NXPE1: variants seen among roughly 807,000 people sequenced by gnomAD.
The protein encoded by NXPE1 is NXPE family member 1.
NXPE1 carries 31 observed loss-of-function variants against 33.3 expected under a neutral mutation model. The ratio of observed to expected loss-of-function variants is 0.93; its 90% confidence interval spans 0.70 to 1.26. NXPE1 has a LOEUF of 1.26. Among genes scored for constraint, NXPE1 ranks in the 50% most tolerant of loss-of-function variants. NXPE1 has a pLI of 0.00. For missense variants in NXPE1, 661 were observed against 655.6 expected, an observed-to-expected ratio of 1.01 and a Z score of -0.09; for synonymous variants, 229 against 231.4, an observed-to-expected ratio of 0.99 and a Z score of 0.09.
chr11:114,533,064 A>G (rs1296476524), intron 5 of NXPE1, among the ~76,000 whole-genome samples: 1 of 152,236 alleles, frequency 6.6e-6, no homozygotes, highest in South Asian at 2.1e-4. Context: ...AATGTTCAAC[A>G]TAACGTTAGA....
At chr11:114,521,959 A>G in exon 9 of NXPE1, 1 of 1,593,232 alleles carries the variant, frequency 6.3e-7, no homozygotes, top group Non-Finnish European at 8.6e-7. Context: ...TTTGTATAGT[A>G]TTTATCCCTT....
chr11:114,538,500 A>G lies in NXPE1; in HGVS notation c.100-7592T>C, dbSNP rs1591282728. On this transcript the variant is annotated intron_variant, in intron 5 of 8. Coordinates refer to ENST00000534921, the Ensembl canonical transcript of NXPE1. Reference sequence around the variant, plus strand: ...CATCAGAGTGAACAGGCAACCTACAAAATGGGAGAAAATTTTTGCAACCTA... The same window carrying G: ...CATCAGAGTGAACAGGCAACCTACAGAATGGGAGAAAATTTTTGCAACCTA... Among the ~76,000 whole-genome samples, 19 of 152,156 alleles carry G rather than the reference A, an allele frequency of 1.2e-4. No homozygotes were observed. In the South Asian group the frequency reaches 3.9e-3, roughly 32 times the overall value.
At chr11:114,525,803 T>C (rs970735059) in intron 7 of NXPE1, among the ~76,000 whole-genome samples, 3 of 152,220 alleles carry the variant, frequency 2.0e-5, no homozygotes, top group Non-Finnish European at 4.4e-5. Context: ...CAATACCCTT[T>C]CAGGTACATG....
rs79542462 is a variant in NXPE1, at chr11:114,549,389, C to G, written c.99+1714G>C. On this transcript the variant is annotated intron_variant, in intron 5 of 8. Transcript: ENST00000534921. ...GCAAGCAATCCAAATGAACATTACA[C>G]AAAAATAATACATCATAATTCAGAG... Among the ~76,000 whole-genome samples, 455 of 152,000 alleles carry G rather than the reference C, an allele frequency of 3.0e-3. 3 individuals are homozygous for G. Among genetic ancestry groups the G allele is most frequent in the African/African-American group, 0.011 (441 of 41,512 alleles).
chr11:114,545,278 G>T (rs114687933), intron 5 of NXPE1, among the ~76,000 whole-genome samples: 2 of 152,350 alleles, frequency 1.3e-5, no homozygotes, highest in African/African-American at 4.8e-5. Flanking sequence ...GTTTATAGCA[G>T]CTTTGATCAT....
intron 6 of NXPE1, chr11:114,528,780 C>T (rs1283813239): frequency 6.1e-6 from 4 of 659,846 alleles, no homozygotes; most frequent in South Asian, 1.7e-5. Context: ...CCAAGTATAA[C>T]AGATATAAGT....
rs142774949 is a variant in NXPE1, at chr11:114,530,438, C to T, written c.570G>A (p.Ser190=). Residue 190 remains serine (S), a synonymous_variant, in exon 6 of 9, where the codon TCG becomes TCA. Coordinates refer to ENST00000534921, the Ensembl canonical transcript of NXPE1. ...CTTGGTTCCTTGCCCTCCAGAGAGCCGACGCCCCTTCACTGGGGTGGATGA... is the reference window on the plus strand; with the variant it reads ...CTTGGTTCCTTGCCCTCCAGAGAGCTGACGCCCCTTCACTGGGGTGGATGA... 1,608 of 1,614,200 alleles carry T rather than the reference C, an allele frequency of 1.0e-3. 19 individuals are homozygous for T. The Admixed American group carries it at 0.02, about 20-fold the overall frequency.
intron 5 of NXPE1, among the ~76,000 whole-genome samples, chr11:114,535,651 G>A (rs1467620939): frequency 1.3e-5 from 2 of 152,100 alleles, no homozygotes; most frequent in Non-Finnish European, 2.9e-5. Context: ...GGATAAAACA[G>A]ACTTAAACCA....
intron 1 of NXPE1, chr11:114,553,924 T>A: frequency 3.0e-6 from 3 of 985,368 alleles, no homozygotes; most frequent in Non-Finnish European, 3.6e-6. Context: ...ACAGGATTTT[T>A]GTTTTTGTTT....
chr11:114,543,623 G>C (rs1948176925), intron 5 of NXPE1, among the ~76,000 whole-genome samples: 14 of 151,756 alleles, frequency 9.2e-5, no homozygotes, highest in Admixed American at 9.2e-4. Context: ...TTTTAACAAA[G>C]AAGAATGGTA....
At chr11:114,525,938 C>T (rs746677716) in intron 7 of NXPE1, among the ~76,000 whole-genome samples, 6 of 152,350 alleles carry the variant, frequency 3.9e-5, no homozygotes, top group Non-Finnish European at 5.9e-5. Flanking sequence ...TTAATTCCCA[C>T]AACAATGTTG....
chr11:114,537,166 C>CT (rs1947862809), intron 5 of NXPE1, among the ~76,000 whole-genome samples: 1 of 151,970 alleles, frequency 6.6e-6, no homozygotes, highest in Non-Finnish European at 1.5e-5. Context: ...ATAAACAGAA[C>CT]CAAAGACAAA....
chr11:114,559,212 A>G (rs648541), intron 1 of NXPE1, among the ~76,000 whole-genome samples: 58,148 of 152,036 alleles, frequency 0.38, 11,483 homozygotes, highest in East Asian at 0.66. Context: ...GACTCATCCT[A>G]CTGCCCACCT....
At position 114,534,506 on chromosome 11, in the gene NXPE1, G is replaced by A. The variant is rs889310032; in HGVS notation, c.100-3598C>T. On this transcript the variant is annotated intron_variant, in intron 5 of 8. Coordinates refer to ENST00000534921, the Ensembl canonical transcript of NXPE1. The stretch of plus-strand genomic sequence containing the variant: ...TACTCTGAGCTAAAGGAGGAAGTTC[G>A]AATCAATGGCAAAGAAGTTAAAAAC... Among the ~76,000 whole-genome samples, 13 of 152,182 alleles carry A rather than the reference G, an allele frequency of 8.5e-5. No homozygotes were observed. The East Asian group carries it at 1.9e-3, about 23-fold the overall frequency.
Position 114,522,482 on chromosome 11 carries a change from T to A in NXPE1, c.1130A>T (p.His377Leu), listed in dbSNP as rs147824438. Residue 377 changes from histidine (H) to leucine (L), a missense_variant, in exon 9 of 9, where the codon CAT (histidine) becomes CTT (leucine). Physicochemically the swap from His to Leu is moderately conservative, Grantham distance 99. Coordinates refer to ENST00000534921, the Ensembl canonical transcript of NXPE1. ...ATGTTTCTTAAAGATTCCAGTTTCA[T>A]GAAGATCAAAAAACTTCAGTGCTGA... The A allele has an allele frequency of 9.3e-5, 149 of 1,601,790 alleles. No homozygotes were observed. The highest frequency in any genetic ancestry group is 1.1e-4 in the Non-Finnish European group (132 of 1,173,496).
chr11:114,533,851 C>T (rs1281927785), intron 5 of NXPE1, among the ~76,000 whole-genome samples: 1 of 152,260 alleles, frequency 6.6e-6, no homozygotes, highest in Non-Finnish European at 1.5e-5. Context: ...TAGGCTCCAC[C>T]TCTGGGGGCA....
intron 5 of NXPE1, 38 bp from the exon 6 acceptor site, chr11:114,530,946 C>G: frequency 6.6e-7 from 1 of 1,525,028 alleles, no homozygotes; most frequent in Non-Finnish European, 8.8e-7. Flanking sequence ...ATGAAATTAA[C>G]CTGTCTAATC....
rs558746537 is a variant in NXPE1 at position 114,536,271 on chromosome 11, A to G, written c.100-5363T>C. ...CACAACATACCAGAATCTCTGGGAC[A>G]TATTCAAAGCAGTGTGTAGAGGGAA... is the stretch of plus-strand genomic sequence containing the variant. On this transcript the variant is annotated intron_variant, in intron 5 of 8. Coordinates refer to ENST00000534921, the Ensembl canonical transcript of NXPE1. Among the ~76,000 whole-genome samples the G allele has an allele frequency of 1.8e-3, 271 of 152,330 alleles. 2 individuals carry two copies. Among genetic ancestry groups the G allele is most frequent in the Non-Finnish European group, 2.5e-4 (17 of 68,026 alleles).
chr11:114,544,294 A>G (rs952520559), intron 5 of NXPE1, among the ~76,000 whole-genome samples: 2 of 152,236 alleles, frequency 1.3e-5, no homozygotes, highest in African/African-American at 2.4e-5. Flanking sequence ...AAGAAGAACA[A>G]AATGGGAAAA....
Sources: gnomAD v4.1 joint callset for allele counts (sites outside exome capture counted in the v4.1 genomes callset) on GRCh38, gnomAD v4.1.1 for gene constraint, MANE v1.5 for transcripts, NCBI Gene and HGNC (gene_info 2026-07-23, HGNC 2026-07-21) for gene names.